The following RFX1 variants were observed in gnomAD, a reference collection of about 807,000 sequenced individuals.
RFX1 encodes the protein regulatory factor X1, also known as MHC class II regulatory factor RFX1.
Under a neutral mutation model 119.6 loss-of-function variants are expected in RFX1, and 42 were observed. That is an observed-to-expected ratio of 0.35 (90% CI 0.27 to 0.45). The LOEUF (loss-of-function observed/expected upper bound fraction) is 0.45, where lower values mean the gene tolerates loss of function less well. Among genes scored for constraint, RFX1 ranks in the 20% least tolerant of loss-of-function variants. RFX1 has a pLI of 1.00. For missense variants in RFX1, 1,118 were observed against 1,368.1 expected (o/e 0.82, Z 2.88); for synonymous variants, 628 against 618.5 (o/e 1.02, Z -0.23).
chr19:13,962,461 C>T lies in RFX1; in HGVS notation c.*234G>A. 2.0e-6 allele frequency: 1 copy of T among 512,158 alleles called. No individual in the cohort carries two copies. Among genetic ancestry groups the T allele is most frequent in the Middle Eastern group, 5.2e-4 (1 of 1,934 alleles). The allele number at this position is 512,158 out of a possible 1,614,324, so 31.7% of individuals were successfully genotyped here. On this transcript the variant is annotated 3_prime_UTR_variant, in exon 21 of 21. Coordinates refer to ENST00000254325, the MANE Select transcript of RFX1 (RefSeq NM_002918.5). ...CTGGATGCCCCGCGGGGCACCTGGG[C>T]ACGCGGCGGGTTCCTTAAGGCACGT...
In RFX1 at chr19:13,966,355, C is replaced by G; in HGVS notation, c.1961+66G>C. 1.9e-6 allele frequency: 2 copies of G among 1,056,056 alleles called. No individual in the cohort carries two copies. The highest frequency in any genetic ancestry group is 2.6e-5 in the South Asian group (2 of 75,864). The allele number at this position is 1,056,056 out of a possible 1,614,324, so 65.4% of individuals were successfully genotyped here. On this transcript the variant is annotated intron_variant, in intron 14 of 20. Transcript: ENST00000254325. This position sits in a 1 kb window ranked among gnomAD's most constrained non-coding sequence, Gnocchi z 6.3. Reference sequence around the variant, plus strand: ...AAGCAGGTGCCCCAACCCTGGCCATCAAAATCACCTGCGGGTCATGCCCTC... The same window carrying G: ...AAGCAGGTGCCCCAACCCTGGCCATGAAAATCACCTGCGGGTCATGCCCTC...
chr19:13,989,282 G>A (rs1046597511), intron 2 of RFX1, among the ~76,000 whole-genome samples: 3 of 152,136 alleles, frequency 2.0e-5, no homozygotes, highest in East Asian at 1.9e-4. Context: ...GGAAGTGGGC[G>A]AGGCTGGGAG....
At position 13,965,561 on chromosome 19, in the gene RFX1, G is replaced by A. The variant is rs764380421; in HGVS notation, c.2114-15C>T. 1.2e-5 allele frequency: 19 copies of A among 1,613,112 alleles called. No individual in the cohort carries two copies. Among genetic ancestry groups the A allele is most frequent in the East Asian group, 2.2e-5 (1 of 44,896 alleles). ...GGTCAAGGCACCTGTGGGCGGTGGC[G>A]GGGGTCGGTCAGGGCAGGGCGGGTG... On this transcript the variant is annotated splice_polypyrimidine_tract_variant and intron_variant, in intron 15 of 20. Transcript: ENST00000254325. The surrounding 1 kb of genome is among the most constrained non-coding windows in gnomAD (Gnocchi z 4.7).
At chr19:13,987,372 G>A (rs1264649766) in intron 2 of RFX1, among the ~76,000 whole-genome samples, 1 of 152,146 alleles carries the variant, frequency 6.6e-6, no homozygotes, top group East Asian at 1.9e-4. Context: ...GGCTGGGTGA[G>A]CTGTGTCTGG....
rs1185818228 is a variant in RFX1 at position 13,966,756 on chromosome 19, G to A, written c.1733-5C>T. The A allele has an allele frequency of 6.3e-7, 1 of 1,592,312 alleles. No homozygotes were observed. Among genetic ancestry groups the A allele is most frequent in the East Asian group, 2.2e-5 (1 of 44,592 alleles). The stretch of plus-strand genomic sequence containing the variant: ...CAGGGAGGCTCCGAGAGGCATCTAG[G>A]GGGCCGGGGGGAACCGTGAGGCCCT... On this transcript the variant is annotated splice_polypyrimidine_tract_variant and splice_region_variant and intron_variant, in intron 12 of 20. Coordinates refer to ENST00000254325, the MANE Select transcript of RFX1 (RefSeq NM_002918.5). This position sits in a 1 kb window ranked among gnomAD's most constrained non-coding sequence, Gnocchi z 6.3.
chr19:14,004,853 T>C (rs1478714809), intron 1 of RFX1, among the ~76,000 whole-genome samples: 1 of 151,770 alleles, frequency 6.6e-6, no homozygotes, highest in Non-Finnish European at 1.5e-5. Context: ...AAAAAATTCC[T>C]CCCCGAGCTG....
chr19:13,982,147 T>C lies in RFX1; in HGVS notation c.595A>G (p.Thr199Ala). 1 of 1,312,094 alleles carries C rather than the reference T, an allele frequency of 7.6e-7. No individual in the cohort carries two copies. The highest frequency in any genetic ancestry group is 1.5e-5 in the African/African-American group (1 of 66,452). 81.3% of individuals were successfully genotyped at this position (1,312,094 alleles called of 1,614,324 possible). The change falls in exon 5 of 21, where the codon ACC (threonine) becomes GCC (alanine). Residue 199 changes from threonine to alanine, a missense_variant. Physicochemically the swap from Thr to Ala is moderately conservative, Grantham distance 58. Transcript: ENST00000254325. ...GGQVSLTVHG[T>A]QQVHSPPEQS... ...TCTGGGGGCGAGTGCACCTGCTGGG[T>C]ACCATGGACCGTCAGGGAGACCTGG...
intron 12 of RFX1, among the ~76,000 whole-genome samples, chr19:13,967,290 C>G (rs1041180575): frequency 6.6e-6 from 1 of 151,828 alleles, no homozygotes; most frequent in African/African-American, 2.4e-5. Flanking sequence ...CCAAGGGTTG[C>G]TTGTTTACTT....
Position 13,962,803 on chromosome 19 carries a change from C to T in RFX1, c.2832G>A (p.Ala944=), listed in dbSNP as rs1465473446. The part of the protein sequence containing the change: ...EDELPQDISL[A]AGGESPALGP... ...CCAGCGCGGGTGACTCGCCGCCAGCCGCCAGTGAGATGTCCTGCGGCAGCT... is the reference window on the plus strand; with the variant it reads ...CCAGCGCGGGTGACTCGCCGCCAGCTGCCAGTGAGATGTCCTGCGGCAGCT... Residue 944 remains alanine, a synonymous_variant, in exon 21 of 21, where the codon GCG becomes GCA. Coordinates refer to ENST00000254325, the MANE Select transcript of RFX1 (RefSeq NM_002918.5). 3.9e-6 allele frequency: 6 copies of T among 1,530,486 alleles called. No individual in the cohort carries two copies. Among genetic ancestry groups the T allele is most frequent in the East Asian group, 2.5e-5 (1 of 40,746 alleles). 94.8% of individuals were successfully genotyped at this position (1,530,486 alleles called of 1,614,324 possible).
In RFX1 at chr19:13,965,531, G is replaced by A. The variant is rs1430154551; in HGVS notation, c.2129C>T (p.Ala710Val). ...LRPIPSALTQ[A>V]IRNFAKSLES... The stretch of plus-strand genomic sequence containing the variant: ...CAGGCTCTTGGCAAAGTTCCGGATC[G>A]CTTGGGTCAAGGCACCTGTGGGCGG... Residue 710 changes from alanine to valine, a missense_variant, in exon 16 of 21, where the codon GCG (alanine) becomes GTG (valine). Coordinates refer to ENST00000254325, the MANE Select transcript of RFX1 (RefSeq NM_002918.5). This position sits in a 1 kb window ranked among gnomAD's most constrained non-coding sequence, Gnocchi z 4.7. 9 of 1,613,676 alleles carry A rather than the reference G, an allele frequency of 5.6e-6. No individual in the cohort carries two copies. In the African/African-American group the frequency reaches 6.7e-5, roughly 12 times the overall value.
rs1973813354 is a variant in RFX1, at chr19:13,964,024, A to T, written c.2212-17T>A. 6 of 1,529,272 alleles carry T rather than the reference A, an allele frequency of 3.9e-6. No homozygotes were observed. The East Asian group carries it at 1.5e-4, about 38-fold the overall frequency. The allele number at this position is 1,529,272 out of a possible 1,614,324, so 94.7% of individuals were successfully genotyped here. ...CGCGGCCACCTGCGTGCAGGGATTG[A>T]GGGGCTTGCTGCTTCCAAGGAACCC... On this transcript the variant is annotated splice_polypyrimidine_tract_variant and intron_variant, in intron 16 of 20. Coordinates refer to ENST00000254325, the MANE Select transcript of RFX1 (RefSeq NM_002918.5).
chr19:14,001,455 G>A (rs963741360), intron 1 of RFX1, among the ~76,000 whole-genome samples: 7 of 152,016 alleles, frequency 4.6e-5, no homozygotes, highest in Admixed American at 3.9e-4. Flanking sequence ...CCTGTGCCAC[G>A]ACACCTGGCT....
chr19:13,972,278 C>T (rs1974108725), intron 9 of RFX1, among the ~76,000 whole-genome samples: 1 of 151,384 alleles, frequency 6.6e-6, no homozygotes, highest in South Asian at 2.1e-4. Context: ...CTCACTGCAA[C>T]CACCTCCCAG....
intron 7 of RFX1, among the ~76,000 whole-genome samples, 187 bp from the exon 8 acceptor site, chr19:13,978,273 G>A (rs997774791): frequency 3.9e-5 from 6 of 151,950 alleles, no homozygotes; most frequent in African/African-American, 9.7e-5. Flanking sequence ...GCTGTGTCAG[G>A]AGAAGCCAGG....
At chr19:13,992,388 A>G (rs1481631661) in intron 2 of RFX1, among the ~76,000 whole-genome samples, 1 of 152,266 alleles carries the variant, frequency 6.6e-6, no homozygotes, top group Non-Finnish European at 1.5e-5. Context: ...TAAACCAGTC[A>G]AAACATCGTC....
At chr19:14,006,483 TA>T (rs1975386973), upstream of RFX1, 1 of 152,214 alleles carries the variant, frequency 6.6e-6, no homozygotes, top group Admixed American at 6.6e-5. Context: ...GATTTATCAG[TA>T]TGAATGTCCA....
rs1197376051 is a variant in RFX1, at chr19:13,980,809, C to G, written c.622-120G>C. 1.2e-5 allele frequency: 7 copies of G among 598,856 alleles called. No homozygotes were observed. The Admixed American group carries it at 2.1e-4, about 18-fold the overall frequency. 37.1% of individuals were successfully genotyped at this position (598,856 alleles called of 1,614,324 possible). ...GGGGAGGGCGGCAGTCTGTGGGGAC[C>G]TATCCCAACCACCGAGGCTGGTAAC... is the stretch of plus-strand genomic sequence containing the variant. On this transcript the variant is annotated intron_variant, in intron 5 of 20. Transcript: ENST00000254325. The surrounding 1 kb of genome is among the most constrained non-coding windows in gnomAD (Gnocchi z 5.1).
At position 13,993,873 on chromosome 19, in the gene RFX1, AG is replaced by A; in HGVS notation, c.-31del. The A allele has an allele frequency of 1.4e-6, 2 of 1,462,506 alleles. No individual in the cohort carries two copies. The allele number at this position is 1,462,506 out of a possible 1,614,324, so 90.6% of individuals were successfully genotyped here. A position where few individuals can be genotyped will look rare whatever the true frequency, so the allele number is the denominator to read the frequency against. ...ACGGTGGGGAAAATGATAATAAATA[AG>A]GCTTTTTTTTTTTTTTAATTCCTTG... On this transcript the variant is annotated 5_prime_UTR_variant, in exon 2 of 21. Coordinates refer to ENST00000254325, the MANE Select transcript of RFX1 (RefSeq NM_002918.5).
At chr19:13,976,296 T>G (rs1974251674) in intron 8 of RFX1, among the ~76,000 whole-genome samples, 1 of 152,216 alleles carries the variant, frequency 6.6e-6, no homozygotes, top group East Asian at 1.9e-4. Context: ...GAAGAACAAG[T>G]GGCAGGGATG....
Sources: allele counts gnomAD v4.1 joint callset (sites outside exome capture counted in the v4.1 genomes callset), GRCh38; gene constraint gnomAD v4.1.1; non-coding constraint Gnocchi (gnomAD v3.1); transcripts MANE v1.5; gene names NCBI Gene and HGNC (gene_info 2026-07-23, HGNC 2026-07-21).